The following DMP1 variants were observed in gnomAD, a reference collection of about 807,000 sequenced individuals.
DMP1 encodes the protein dentin matrix protein 1.
DMP1 carries 20 observed loss-of-function variants against 14.6 expected under a neutral mutation model. That is an observed-to-expected ratio of 1.37 (90% CI 0.96 to 1.99). DMP1 has a LOEUF of 1.99. DMP1 is among the 30% of genes most tolerant of loss of function. The probability of loss-of-function intolerance (pLI) is 0.00; values close to 1 mark genes in which losing one functional copy is unlikely to be tolerated. For synonymous variants in DMP1, 197 were observed against 215.3 expected (o/e 0.91, Z 0.75); for missense variants, 567 against 620.5 (o/e 0.91, Z 0.92).
intron 5 of DMP1, among the ~76,000 whole-genome samples, chr4:87,661,204 A>ATTTTTTTTTTTTTTT (rs70957272): frequency 1.5e-5 from 1 of 66,632 alleles, no homozygotes; most frequent in African/African-American, 6.0e-5. Context: ...CAGCCAGCTA[A>ATTTTTTTTTTTTTTT]TTTTTTTTTT....
At chr4:87,661,823 T>A in intron 5 of DMP1, 139 bp from the exon 6 acceptor site, 1 of 1,484,582 alleles carries the variant, frequency 6.7e-7, no homozygotes, top group Non-Finnish European at 9.1e-7. Flanking sequence ...GGTAGAGAGG[T>A]TATTGAGTAG....
chr4:87,656,417 T>C, intron 1 of DMP1, 55 bp from the exon 2 acceptor site: 1 of 1,013,894 alleles, frequency 9.9e-7, no homozygotes, highest in Middle Eastern at 2.0e-4. Context: ...GTTAAAAAGT[T>C]GAAACTACTT....
rs1728941684 is a variant in DMP1, at chr4:87,662,627, T to G, written c.849T>G (p.Asp283Glu). The change falls in exon 6 of 6, where the codon GAT becomes GAG. Residue 283 changes from aspartate to glutamate, a missense_variant. Transcript: ENST00000339673. Reference protein sequence around the residue: ...ISEEDDRSELDDNNTMEEVKS... With the variant: ...ISEEDDRSELEDNNTMEEVKS... ...AGGAAGATGACAGAAGCGAGCTTGA[T>G]GACAACAACACAATGGAAGAAGTCA... 2 of 1,614,100 alleles carry G rather than the reference T, an allele frequency of 1.2e-6. No homozygotes were observed. Among genetic ancestry groups the G allele is most frequent in the East Asian group, 2.2e-5 (1 of 44,876 alleles).
chr4:87,663,227 C>T lies in DMP1; in HGVS notation c.1449C>T (p.Asn483=), dbSNP rs372806204. 2 of 1,614,202 alleles carry T rather than the reference C, an allele frequency of 1.2e-6. No individual in the cohort carries two copies. The highest frequency in any genetic ancestry group is 1.7e-6 in the Non-Finnish European group (2 of 1,180,038). ...SSSEEDGQLK[N]IEIESRKLTV... is the part of the protein sequence containing the mutation. ...GTGAGGAAGATGGCCAGTTGAAAAA[C>T]ATTGAGATAGAGAGCCGGAAATTAA... Residue 483 remains asparagine (N), a synonymous_variant, in exon 6 of 6, where the codon AAC becomes AAT. Transcript: ENST00000339673.
intron 5 of DMP1, 129 bp from the exon 6 acceptor site, chr4:87,661,833 G>C: frequency 1.3e-6 from 2 of 1,546,184 alleles, no homozygotes; most frequent in Non-Finnish European, 1.8e-6. Context: ...TTATTGAGTA[G>C]TAAAACTGAC....
Position 87,662,895 on chromosome 4 carries a change from A to C in DMP1, c.1117A>C (p.Ser373Arg). ...SRGDNPDPTTSYVEDQEDSDS... is the reference protein window; with the variant it reads ...SRGDNPDPTTRYVEDQEDSDS... ...GGGAGATAACCCCGACCCCACAACT[A>C]GTTATGTAGAAGACCAGGAAGACAG... The change falls in exon 6 of 6, where the codon AGT becomes CGT. Residue 373 changes from serine to arginine, a missense_variant. Physicochemically the swap from Ser to Arg is moderately radical, Grantham distance 110. Transcript: ENST00000339673. 6.2e-7 allele frequency: 1 copy of C among 1,614,168 alleles called. No homozygotes were observed. The highest frequency in any genetic ancestry group is 1.1e-5 in the South Asian group (1 of 91,082).
chr4:87,657,079 G>C lies in DMP1; in HGVS notation c.102G>C (p.Lys34Asn), dbSNP rs1352490606. 1 of 1,525,006 alleles carries C rather than the reference G, an allele frequency of 6.6e-7. No individual in the cohort carries two copies. Among genetic ancestry groups the C allele is most frequent in the African/African-American group, 1.4e-5 (1 of 73,306 alleles). 94.5% of individuals were successfully genotyped at this position (1,525,006 alleles called of 1,614,324 possible). The change falls in exon 3 of 6, where the codon AAG (lysine) becomes AAC (asparagine). Residue 34 changes from lysine to asparagine, a missense_variant and splice_region_variant. Physicochemically the swap from Lys to Asn is moderately conservative, Grantham distance 94. Coordinates refer to ENST00000339673, the MANE Select transcript of DMP1 (RefSeq NM_004407.4). Reference protein sequence around the residue: ...NNESEDSEEWKGHLAQAPTPP... With the variant: ...NNESEDSEEWNGHLAQAPTPP... ...AATCTGAGGATTCTGAAGAATGGAA[G>C]GTGAGTAGAAATATGACTTTTTGAA...
At chr4:87,659,358 A>G in intron 4 of DMP1, 73 bp from the exon 5 acceptor site, 2 of 1,595,466 alleles carry the variant, frequency 1.3e-6, no homozygotes, top group Non-Finnish European at 1.7e-6. Context: ...ACTGGAAGCA[A>G]TTGATGTGTA....
At position 87,663,586 on chromosome 4, in the gene DMP1, T is replaced by C; in HGVS notation, c.*266T>C. The C allele has an allele frequency of 1.9e-6, 1 of 514,334 alleles. No homozygotes were observed. Among genetic ancestry groups the C allele is most frequent in the Non-Finnish European group, 3.5e-6 (1 of 285,804 alleles). The allele number at this position is 514,334 out of a possible 1,614,324, so 31.9% of individuals were successfully genotyped here. A position where few individuals can be genotyped will look rare whatever the true frequency, so the allele number is the denominator to read the frequency against. On this transcript the variant is annotated 3_prime_UTR_variant, in exon 6 of 6. Transcript: ENST00000339673. ...ATGATAACTTTGCAGCTGAGATAGT[T>C]CCTAATTCATCAACGTAACAAACAA...
At chr4:87,657,678 T>G (rs930700996) in intron 3 of DMP1, among the ~76,000 whole-genome samples, 1 of 152,204 alleles carries the variant, frequency 6.6e-6, no homozygotes, top group Non-Finnish European at 1.5e-5. Context: ...GGTCAATTAG[T>G]GTTAGAGCCA....
intron 3 of DMP1, chr4:87,658,980 T>C (rs1384323765): frequency 1.8e-6 from 1 of 559,562 alleles, no homozygotes; most frequent in Non-Finnish European, 3.2e-6. Context: ...TTTCTGTAAA[T>C]GAAATATCAG....
intron 1 of DMP1, among the ~76,000 whole-genome samples, chr4:87,653,708 T>G (rs1728600285): frequency 6.6e-6 from 1 of 152,088 alleles, no homozygotes; most frequent in African/African-American, 2.4e-5. Flanking sequence ...ATGGGATTTG[T>G]GCATTGGCAT....
rs189074954 is a variant in DMP1 at position 87,655,478 on chromosome 4, G to C, written c.-21-994G>C. Among the ~76,000 whole-genome samples, 747 of 152,214 alleles carry C rather than the reference G, an allele frequency of 4.9e-3. 3 individuals are homozygous for C. The highest frequency in any genetic ancestry group is 7.4e-3 in the Admixed American group (113 of 15,286). On this transcript the variant is annotated intron_variant, in intron 1 of 5. Coordinates refer to ENST00000339673, the MANE Select transcript of DMP1 (RefSeq NM_004407.4). ...CCCCAAATCCTTCAGTACTGTGAATGACAGCAAAAATAATTTAGCATAATT... is the reference window on the plus strand; with the variant it reads ...CCCCAAATCCTTCAGTACTGTGAATCACAGCAAAAATAATTTAGCATAATT...
chr4:87,663,229 T>C lies in DMP1; in HGVS notation c.1451T>C (p.Ile484Thr). ...SSEEDGQLKNIEIESRKLTVD... is the reference protein window; with the variant it reads ...SSEEDGQLKNTEIESRKLTVD... The stretch of plus-strand genomic sequence containing the variant: ...GAGGAAGATGGCCAGTTGAAAAACA[T>C]TGAGATAGAGAGCCGGAAATTAACA... Residue 484 changes from isoleucine to threonine, a missense_variant, in exon 6 of 6, where the codon ATT (isoleucine) becomes ACT (threonine). Transcript: ENST00000339673. The C allele has an allele frequency of 6.2e-7, 1 of 1,614,132 alleles. No individual in the cohort carries two copies.
At chr4:87,661,313 T>TG (rs1491532522) in intron 5 of DMP1, among the ~76,000 whole-genome samples, 12 of 140,906 alleles carry the variant, frequency 8.5e-5, no homozygotes, top group African/African-American at 2.4e-4. Flanking sequence ...CTCCGCCCCC[T>TG]GGGGTTCACG....
rs766953901 is a variant in DMP1 at position 87,663,121 on chromosome 4, A to G, written c.1343A>G (p.His448Arg). The G allele has an allele frequency of 2.5e-6, 4 of 1,614,090 alleles. No homozygotes were observed. Among genetic ancestry groups the G allele is most frequent in the Non-Finnish European group, 3.4e-6 (4 of 1,180,044 alleles). The change falls in exon 6 of 6, where the codon CAT (histidine) becomes CGT (arginine). Residue 448 changes from histidine to arginine, a missense_variant. Coordinates refer to ENST00000339673, the MANE Select transcript of DMP1 (RefSeq NM_004407.4). ...GCAGAGAGTCAGAGCGAGGAAAGCC[A>G]TTCTGAGGAAGACGACAGTGACTCT... ...SSAESQSEES[H>R]SEEDDSDSQD...
intron 1 of DMP1, among the ~76,000 whole-genome samples, chr4:87,653,615 A>G (rs759996696): frequency 1.4e-4 from 21 of 151,484 alleles, no homozygotes; most frequent in Non-Finnish European, 2.9e-4. Flanking sequence ...TAATTCTTAG[A>G]TCAAGTGTTA....
intron 1 of DMP1, among the ~76,000 whole-genome samples, chr4:87,656,190 G>A (rs1728685346): frequency 6.6e-6 from 1 of 152,130 alleles, no homozygotes; most frequent in Admixed American, 6.5e-5. Context: ...TGCCTATTGT[G>A]GACATTTCAT....
chr4:87,656,810 A>G (rs946749230), intron 2 of DMP1, among the ~76,000 whole-genome samples: 3 of 152,210 alleles, frequency 2.0e-5, no homozygotes, highest in African/African-American at 7.2e-5. Flanking sequence ...ATCAGCATCA[A>G]CTAGGACCTT....
Sources: gnomAD v4.1 joint callset for allele counts (sites outside exome capture counted in the v4.1 genomes callset) on GRCh38, gnomAD v4.1.1 for gene constraint, MANE v1.5 for transcripts, NCBI Gene and HGNC (gene_info 2026-07-23, HGNC 2026-07-21) for gene names.